Variants in TTLL10 observed in about 807,000 individuals in gnomAD.
The protein encoded by TTLL10 is tubulin tyrosine ligase like 10.
TTLL10 carries 61 observed loss-of-function variants against 69.0 expected under a neutral mutation model. The observed-to-expected ratio is 0.88, with a 90% CI of 0.72 to 1.09. The LOEUF is 1.09. Among genes scored for constraint, TTLL10 ranks in the 50% least tolerant of loss-of-function variants. The pLI is 0.00. For synonymous variants in TTLL10, 408 were observed against 393.3 expected, an observed-to-expected ratio of 1.04 and a Z score of -0.44; for missense variants, 962 against 945.9, an observed-to-expected ratio of 1.02 and a Z score of -0.22.
At chr1:1,180,458 T>TGACCCCCCCCCCC in intron 6 of TTLL10, 25 bp from the exon 7 acceptor site, 1 of 942,132 alleles carries the variant, frequency 1.1e-6, no homozygotes, top group Non-Finnish European at 1.5e-6. Flanking sequence ...GGCCCCCAGG[T>TGACCCCCCCCCCC]CACCCCCGCC....
rs1338648199 is a variant in TTLL10, at chr1:1,184,003, T to C, written c.1172T>C (p.Met391Thr). 6.2e-7 allele frequency: 1 copy of C among 1,614,220 alleles called. No homozygotes were observed. Among genetic ancestry groups the C allele is most frequent in the Non-Finnish European group, 8.5e-7 (1 of 1,180,022 alleles). Residue 391 changes from methionine to threonine, a missense_variant, in exon 12 of 16, where the codon ATG (methionine) becomes ACG (threonine). Physicochemically the swap from Met to Thr is moderately conservative, Grantham distance 81 (BLOSUM62 -1). Transcript: ENST00000379289. ...CTCATTGCCTGCACCACACCCTACA[T>C]GATCTTCTTTGGCCACGGCTATGCT... ...YLLIACTTPYMIFFGHGYARL... is the reference protein window; with the variant it reads ...YLLIACTTPYTIFFGHGYARL...
Position 1,180,803 on chromosome 1 carries a change from G to C in TTLL10, c.698G>C (p.Arg233Pro), listed in dbSNP as rs143329559. The C allele has an allele frequency of 6.2e-7, 1 of 1,604,500 alleles. No individual in the cohort carries two copies. Among genetic ancestry groups the C allele is most frequent in the Non-Finnish European group, 8.5e-7 (1 of 1,176,480 alleles). The change falls in exon 8 of 16, where the codon CGG becomes CCG. Residue 233 changes from arginine (R) to proline (P), a missense_variant. Transcript: ENST00000379289. The part of the protein sequence containing the change: ...TTKIGLLSTL[R>P]GRARAMSKAS... ...AAGATCGGGCTGCTCAGCACCCTTC[G>C]GGGACGGGCACGGGCCATGAGCAAG...
At position 1,173,965 on chromosome 1, in the gene TTLL10, G is replaced by C. The variant is rs11587345; in HGVS notation, c.-131+39G>C. ...GCGGCCACCAGCTGGGGTCCAGTGG[G>C]CTCGGCCCCGCCCTCCTACGCCCTG... is the stretch of plus-strand genomic sequence containing the variant. On this transcript the variant is annotated intron_variant, in intron 1 of 15. Transcript: ENST00000379289. The surrounding 1 kb of genome is among the most constrained non-coding windows in gnomAD (Gnocchi z 4.1). 0.033 allele frequency: 5,097 copies of C among 152,526 alleles called. 124 individuals are homozygous for C. The highest frequency in any genetic ancestry group is 0.049 in the Non-Finnish European group (3,374 of 68,192). 9.4% of individuals were successfully genotyped at this position (152,526 alleles called of 1,614,324 possible).
rs538387328 is a variant in TTLL10 at position 1,197,653 on chromosome 1, C to T, written c.1828C>T (p.Arg610Cys). The change falls in exon 16 of 16, where the codon CGC becomes TGC. Residue 610 changes from arginine to cysteine, a missense_variant. Arg to Cys is a radical substitution (Grantham distance 180). Coordinates refer to ENST00000379289, the MANE Select transcript of TTLL10 (RefSeq NM_001130045.2). ...MPHAPDQPGA[R>C]RPAPPPLVPQ... is the part of the protein sequence containing the mutation. Reference sequence around the variant, plus strand: ...GCATGCCCCAGACCAGCCGGGCGCCCGCAGGCCTGCGCCACCTCCCTTGGT... The same window carrying T: ...GCATGCCCCAGACCAGCCGGGCGCCTGCAGGCCTGCGCCACCTCCCTTGGT... The T allele has an allele frequency of 9.9e-4, 1,486 of 1,499,340 alleles. 7 individuals carry two copies. The African/African-American group carries it at 0.016, about 16-fold the overall frequency. 92.9% of individuals were successfully genotyped at this position (1,499,340 alleles called of 1,614,324 possible).
intron 11 of TTLL10, 29 bp from the exon 12 acceptor site, chr1:1,183,891 G>C (rs1647157565): frequency 6.2e-7 from 1 of 1,613,322 alleles, no homozygotes. Flanking sequence ...CCGTGGCTCA[G>C]CCCAGCAGCC....
intron 13 of TTLL10, among the ~76,000 whole-genome samples, chr1:1,191,537 T>C (rs371275748): frequency 2.0e-5 from 3 of 152,328 alleles, no homozygotes. Context: ...AGAATATCCA[T>C]GTGCACTGGA....
intron 3 of TTLL10, chr1:1,176,311 A>G: frequency 2.2e-6 from 1 of 447,972 alleles, no homozygotes; most frequent in South Asian, 1.6e-5. Context: ...GCCGCTGTGC[A>G]GGTGGAGAGA....
chr1:1,179,958 C>A, intron 5 of TTLL10, 76 bp from the exon 6 acceptor site: 1 of 1,447,184 alleles, frequency 6.9e-7, no homozygotes, highest in South Asian at 1.5e-5. Flanking sequence ...GGGCTGGGAG[C>A]AAACTGGCTG....
rs1331480140 is a variant in TTLL10, at chr1:1,181,812, A to G, written c.827A>G (p.Gln276Arg). The change falls in exon 9 of 16, where the codon CAG becomes CGG. Residue 276 changes from glutamine (Q) to arginine (R), a missense_variant. Coordinates refer to ENST00000379289, the MANE Select transcript of TTLL10 (RefSeq NM_001130045.2). This position sits in a 1 kb window ranked among gnomAD's most constrained non-coding sequence, Gnocchi z 4.6. ...ACAAGCCCAGGATACCTCAGGCCACAGAGGTAGACTCAGCCCAGCTGTGAG... is the reference window on the plus strand; with the variant it reads ...ACAAGCCCAGGATACCTCAGGCCACGGAGGTAGACTCAGCCCAGCTGTGAG... ...PWTSPGYLRPQRVLRMEEFFP... is the reference protein window; with the variant it reads ...PWTSPGYLRPRRVLRMEEFFP... 3 of 1,605,764 alleles carry G rather than the reference A, an allele frequency of 1.9e-6. No homozygotes were observed. The highest frequency in any genetic ancestry group is 1.7e-5 in the Admixed American group (1 of 58,972).
intron 13 of TTLL10, among the ~76,000 whole-genome samples, chr1:1,188,114 CCCCAT>C (rs776663874): frequency 2.7e-5 from 4 of 150,440 alleles, no homozygotes; most frequent in Non-Finnish European, 5.9e-5. Context: ...CTATTCTTTC[CCCCAT>C]GGAATGGTCC....
chr1:1,196,464 C>T (rs370026784), intron 13 of TTLL10, 136 bp from the exon 14 acceptor site: 133 of 663,952 alleles, frequency 2.0e-4, no homozygotes, highest in African/African-American at 2.0e-3. Context: ...AGTGCACGAA[C>T]GTGTGGGCAG....
chr1:1,184,170 A>AGAGGGGGTGCAGCTACAGAAG, intron 12 of TTLL10, 79 bp downstream of exon 12: 2 of 1,576,904 alleles, frequency 1.3e-6, no homozygotes, highest in Non-Finnish European at 1.7e-6. Context: ...TAGGGGGTGC[A>AGAGGGGGTGCAGCTACAGAAG]GAGGGGGTGC....
In TTLL10 at chr1:1,197,594, C is replaced by G. The variant is rs1247601590; in HGVS notation, c.1769C>G (p.Thr590Ser). 6.6e-7 allele frequency: 1 copy of G among 1,512,954 alleles called. No homozygotes were observed. The allele number at this position is 1,512,954 out of a possible 1,614,324, so 93.7% of individuals were successfully genotyped here. A position where few individuals can be genotyped will look rare whatever the true frequency, so the allele number is the denominator to read the frequency against. Residue 590 changes from threonine (T) to serine (S), a missense_variant, in exon 16 of 16, where the codon ACC becomes AGC. Physicochemically the swap from Thr to Ser is moderately conservative, Grantham distance 58. Coordinates refer to ENST00000379289, the MANE Select transcript of TTLL10 (RefSeq NM_001130045.2). ...CSLRRWPPLP[T>S]RQAKSSGPPM... ...CTCCGCCGCTGGCCGCCCCTGCCCA[C>G]CCGCCAGGCCAAGTCCTCCGGGCCA...
intron 15 of TTLL10, 121 bp from the exon 16 acceptor site, chr1:1,197,317 G>A (rs1448055064): frequency 1.2e-5 from 15 of 1,284,312 alleles, no homozygotes; most frequent in Middle Eastern, 2.6e-4. Context: ...TGGCAGCGCC[G>A]CCCCCTGCCC....
chr1:1,197,771 A>G lies in TTLL10; in HGVS notation c.1946A>G (p.Asn649Ser). The G allele has an allele frequency of 6.5e-7, 1 of 1,534,990 alleles. No individual in the cohort carries two copies. ...GGCACGGAGCAGTCGGGCACAGGCAACAGGCACCCGGCGCAAGAGCCTTCC... is the reference window on the plus strand; with the variant it reads ...GGCACGGAGCAGTCGGGCACAGGCAGCAGGCACCCGGCGCAAGAGCCTTCC... ...APGTEQSGTG[N>S]RHPAQEPSPG... is the part of the protein sequence containing the mutation. Residue 649 changes from asparagine to serine, a missense_variant, in exon 16 of 16, where the codon AAC becomes AGC. Coordinates refer to ENST00000379289, the MANE Select transcript of TTLL10 (RefSeq NM_001130045.2).
Position 1,197,787 on chromosome 1 carries a change from A to G in TTLL10, c.1962A>G (p.Gln654=). 6.5e-7 allele frequency: 1 copy of G among 1,530,682 alleles called. No individual in the cohort carries two copies. Among genetic ancestry groups the G allele is most frequent in the Non-Finnish European group, 8.8e-7 (1 of 1,140,392 alleles). The allele number at this position is 1,530,682 out of a possible 1,614,324, so 94.8% of individuals were successfully genotyped here. A position where few individuals can be genotyped will look rare whatever the true frequency, so the allele number is the denominator to read the frequency against. The change falls in exon 16 of 16, where the codon CAA becomes CAG. Residue 654 remains glutamine (Q), a synonymous_variant. Transcript: ENST00000379289. ...QSGTGNRHPA[Q]EPSPGTAKEE... is the part of the protein sequence containing the mutation. ...GCACAGGCAACAGGCACCCGGCGCAAGAGCCTTCCCCGGGGACAGCCAAGG... is the reference window on the plus strand; with the variant it reads ...GCACAGGCAACAGGCACCCGGCGCAGGAGCCTTCCCCGGGGACAGCCAAGG...
At position 1,184,087 on chromosome 1, in the gene TTLL10, AC is replaced by A. The variant is rs764565351; in HGVS notation, c.1258del (p.Gln420SerfsTer13). ...HSSDLGGHLT[N>X]QFMQKKSPLY... is the part of the protein sequence containing the mutation. ...AGCGACCTCGGCGGCCACTTGACCA[AC>A]CAGGTGAGTCTGCCATGGGTGAGGG... On this transcript the variant is annotated frameshift_variant, in exon 12 of 16. Transcript: ENST00000379289. LOFTEE classifies it high-confidence loss of function. The A allele has an allele frequency of 1.2e-6, 2 of 1,614,100 alleles. No homozygotes were observed.
Position 1,197,906 on chromosome 1 carries a change from C to G in TTLL10, c.*59C>G, listed in dbSNP as rs1282818437. On this transcript the variant is annotated 3_prime_UTR_variant, in exon 16 of 16. Transcript: ENST00000379289. ...GCGCCCCAGCCGTGCTGCCTGCCCTCAGGGACCTATAAAGCCCACTTTGCT... is the reference window on the plus strand; with the variant it reads ...GCGCCCCAGCCGTGCTGCCTGCCCTGAGGGACCTATAAAGCCCACTTTGCT... The G allele has an allele frequency of 4.8e-5, 66 of 1,376,164 alleles. No individual in the cohort carries two copies. The highest frequency in any genetic ancestry group is 5.8e-5 in the Non-Finnish European group (62 of 1,066,984). The allele number at this position is 1,376,164 out of a possible 1,614,324, so 85.2% of individuals were successfully genotyped here. A position where few individuals can be genotyped will look rare whatever the true frequency, so the allele number is the denominator to read the frequency against.
Position 1,181,405 on chromosome 1 carries a change from C to A in TTLL10, c.756-336C>A, listed in dbSNP as rs1174535194. The stretch of plus-strand genomic sequence containing the variant: ...CTTCGTCCTCCTGCTCCCAGCCCTG[C>A]CCACTGCCCTTCTATGGACCCACCT... On this transcript the variant is annotated intron_variant, in intron 8 of 15. Transcript: ENST00000379289. The surrounding 1 kb of genome is among the most constrained non-coding windows in gnomAD (Gnocchi z 4.6). Among the ~76,000 whole-genome samples, 1 of 152,118 alleles carries A rather than the reference C, an allele frequency of 6.6e-6. No individual in the cohort carries two copies. Among genetic ancestry groups the A allele is most frequent in the Non-Finnish European group, 1.5e-5 (1 of 68,036 alleles).
Sources: gnomAD v4.1 joint callset for allele counts (sites outside exome capture counted in the v4.1 genomes callset) on GRCh38, gnomAD v4.1.1 for gene constraint, Gnocchi (gnomAD v3.1) non-coding constraint, MANE v1.5 for transcripts, NCBI Gene and HGNC (gene_info 2026-07-23, HGNC 2026-07-21) for gene names.